Variants in RBFOX1 observed in about 807,000 individuals in gnomAD.
RBFOX1 encodes the protein RNA binding protein fox-1 homolog 1.
A neutral mutation model predicts 57.7 loss-of-function variants in RBFOX1; 8 were observed. The observed-to-expected ratio is 0.14, with a 90% CI of 0.08 to 0.25. RBFOX1 has a LOEUF of 0.25. RBFOX1 is among the 10% of genes least tolerant of loss of function. RBFOX1 has a pLI of 1.00. For missense variants in RBFOX1, 611 were observed against 548.5 expected (o/e 1.11, Z -1.14); for synonymous variants, 326 against 222.4 (o/e 1.47, Z -4.15).
chr16:7,312,199 G>T (rs1197468087), intron 4 of RBFOX1, among the ~76,000 whole-genome samples: 1 of 152,202 alleles, frequency 6.6e-6, no homozygotes, highest in African/African-American at 2.4e-5. Context: ...GGCCTACATG[G>T]TGAAACCCTG....
chr16:6,646,687 C>T (rs1318748506), intron 2 of RBFOX1, among the ~76,000 whole-genome samples: 1 of 152,014 alleles, frequency 6.6e-6, no homozygotes, highest in Admixed American at 6.6e-5. Flanking sequence ...AGCTGCTTTT[C>T]CTCACCTCGT....
At chr16:6,422,345 C>T (rs1330085029) in intron 2 of RBFOX1, among the ~76,000 whole-genome samples, 6 of 151,826 alleles carry the variant, frequency 4.0e-5, no homozygotes, top group African/African-American at 1.5e-4. Flanking sequence ...TCCCATCACC[C>T]AGGTAGTGAG....
At chr16:7,181,712 A>G (rs2082746701) in intron 4 of RBFOX1, among the ~76,000 whole-genome samples, 1 of 151,986 alleles carries the variant, frequency 6.6e-6, no homozygotes, top group Admixed American at 6.6e-5. Flanking sequence ...ACAGGTATGC[A>G]CGATGCCTGG....
rs1363170544 is a variant in RBFOX1 at position 7,097,141 on chromosome 16, T to C, written c.27+45043T>C. 2.6e-5 allele frequency among the ~76,000 whole-genome samples: 4 copies of C among 152,090 alleles called. No individual in the cohort carries two copies. In the East Asian group the frequency reaches 5.8e-4, roughly 22 times the overall value. ...GGGAAATGCAACCGCGAGAGAGGTA[T>C]TGTGAATGGTGACTTCGAGCAAGAC... On this transcript the variant is annotated intron_variant, in intron 4 of 15. Coordinates refer to ENST00000550418, the MANE Select transcript of RBFOX1 (RefSeq NM_018723.4).
chr16:6,919,925 C>T (rs373880792), intron 3 of RBFOX1, among the ~76,000 whole-genome samples: 1 of 152,002 alleles, frequency 6.6e-6, no homozygotes, highest in Non-Finnish European at 1.5e-5. Context: ...ATCTTTTATC[C>T]TTTACCCCCT....
intron 14 of RBFOX1, among the ~76,000 whole-genome samples, chr16:7,706,868 C>T (rs759319203): frequency 3.9e-5 from 6 of 152,152 alleles, no homozygotes; most frequent in African/African-American, 7.2e-5. Context: ...TGGGTAAAGG[C>T]CCAGGTCTCA....
chr16:6,434,182 C>G (rs555682563), intron 2 of RBFOX1, among the ~76,000 whole-genome samples: 1 of 152,086 alleles, frequency 6.6e-6, no homozygotes, highest in Non-Finnish European at 1.5e-5. Flanking sequence ...ATAAGACACA[C>G]CTGGGTTATC....
At position 7,448,735 on chromosome 16, in the gene RBFOX1, C is replaced by T. The variant is rs545588875; in HGVS notation, c.28-69412C>T. The stretch of plus-strand genomic sequence containing the variant: ...TCCTTAGCTTGTGGCTGCATTACTC[C>T]AATCTCTGCCTGCATTGTCACACAT... On this transcript the variant is annotated intron_variant, in intron 4 of 15. Transcript: ENST00000550418. Among the ~76,000 whole-genome samples the T allele has an allele frequency of 7.9e-5, 12 of 152,242 alleles. No homozygotes were observed. In the South Asian group the frequency reaches 2.3e-3, roughly 29 times the overall value.
chr16:7,337,826 A>G (rs559694663), intron 4 of RBFOX1, among the ~76,000 whole-genome samples: 4 of 152,170 alleles, frequency 2.6e-5, no homozygotes, highest in Non-Finnish European at 5.9e-5. Flanking sequence ...CTGGGATTAC[A>G]GGCACGTGCC....
intron 3 of RBFOX1, among the ~76,000 whole-genome samples, chr16:6,827,010 C>G (rs1219068956): frequency 6.6e-6 from 1 of 152,088 alleles, no homozygotes; most frequent in Admixed American, 6.6e-5. Flanking sequence ...ATGCTGTAAA[C>G]TAACTTTTTA....
chr16:5,266,226 C>T (rs892534762), intron 1 of RBFOX1, among the ~76,000 whole-genome samples: 2 of 152,156 alleles, frequency 1.3e-5, no homozygotes, highest in Non-Finnish European at 2.9e-5. Flanking sequence ...AGCAGTTTCT[C>T]TGTTGTATGT....
chr16:6,636,943 A>T (rs377076314), intron 2 of RBFOX1, among the ~76,000 whole-genome samples: 16 of 77,044 alleles, frequency 2.1e-4, no homozygotes, highest in African/African-American at 9.7e-4. Context: ...ATATACATAA[A>T]ATATACATAA....
At chr16:6,206,152 C>A (rs779801008) in intron 1 of RBFOX1, among the ~76,000 whole-genome samples, 1 of 152,112 alleles carries the variant, frequency 6.6e-6, no homozygotes, top group South Asian at 2.1e-4. Context: ...AAACTTCTTA[C>A]TATGATTTGA....
intron 1 of RBFOX1, among the ~76,000 whole-genome samples, chr16:6,293,827 C>G (rs1477233492): frequency 1.3e-5 from 2 of 151,104 alleles, no homozygotes; most frequent in Admixed American, 1.3e-4. Flanking sequence ...AATAAAACCT[C>G]AAATACACTC....
chr16:6,895,446 G>GTA (rs1439276748), intron 3 of RBFOX1, among the ~76,000 whole-genome samples: 36 of 57,092 alleles, frequency 6.3e-4, no homozygotes, highest in African/African-American at 2.7e-3. Context: ...GTGTGTGTGT[G>GTA]TGTATATATA....
intron 4 of RBFOX1, among the ~76,000 whole-genome samples, chr16:7,221,059 G>A (rs12448306): frequency 0.38 from 58,355 of 151,576 alleles, 11,686 homozygotes; most frequent in East Asian, 0.66. Flanking sequence ...AGGTGTGTTC[G>A]CTGTCTTCAT....
Position 6,915,350 on chromosome 16 carries a change from T to C in RBFOX1, c.-15-136707T>C, listed in dbSNP as rs553679048. 2.0e-5 allele frequency among the ~76,000 whole-genome samples: 3 copies of C among 152,272 alleles called. No homozygotes were observed. The South Asian group carries it at 6.2e-4, about 32-fold the overall frequency. ...GGTTCCTTTCTGCAGGGAGGAAGCT[T>C]GCTCTACAGATTAGAAAGGAAACAC... On this transcript the variant is annotated intron_variant, in intron 3 of 15. Transcript: ENST00000550418.
chr16:5,491,050 A>T (rs1291891477), intron 2 of RBFOX1, among the ~76,000 whole-genome samples: 1 of 152,172 alleles, frequency 6.6e-6, no homozygotes, highest in African/African-American at 2.4e-5. Flanking sequence ...GCAATGGCCA[A>T]TATCAAATTC....
chr16:6,835,051 C>T (rs938034928), intron 3 of RBFOX1, among the ~76,000 whole-genome samples: 2 of 152,002 alleles, frequency 1.3e-5, no homozygotes, highest in Admixed American at 1.3e-4. Flanking sequence ...CAACACCATG[C>T]CCCGGCTAAT....
Sources: gnomAD v4.1 joint callset for allele counts (sites outside exome capture counted in the v4.1 genomes callset) on GRCh38, gnomAD v4.1.1 for gene constraint, MANE v1.5 for transcripts, NCBI Gene and HGNC (gene_info 2026-07-23, HGNC 2026-07-21) for gene names.